FAM47B: variants seen among roughly 807,000 people sequenced by gnomAD.
FAM47B encodes protein FAM47B.
For synonymous variants in FAM47B, 247 were observed against 215.8 expected, an observed-to-expected ratio of 1.14 and a Z score of -1.27; for missense variants, 581 against 550.1, an observed-to-expected ratio of 1.06 and a Z score of -0.56.
rs1356087541 is a variant in FAM47B, at chrX:34,943,861, T to G, written c.1030T>G (p.Phe344Val). The G allele has an allele frequency of 1.9e-5, 23 of 1,204,023 alleles. No individual in the cohort carries two copies. Among genetic ancestry groups the G allele is most frequent in the African/African-American group, 3.6e-5 (2 of 54,947 alleles). The change falls in exon 1 of 1, where the codon TTC becomes GTC. Residue 344 changes from phenylalanine to valine, a missense_variant. Phe to Val is a conservative substitution (Grantham distance 50, BLOSUM62 -1). Coordinates refer to ENST00000329357, the MANE Select transcript of FAM47B (RefSeq NM_152631.3). ...EPPNTHRVSS[F>V]LLQVLKLDSE... is the part of the protein sequence containing the mutation. The stretch of plus-strand genomic sequence containing the variant: ...TCCCAACACTCATCGGGTGTCCAGT[T>G]TCCTACTACAGGTGCTGAAACTGGA...
chrX:34,943,046 G>T lies in FAM47B; in HGVS notation c.215G>T (p.Arg72Leu). 8.3e-7 allele frequency: 1 copy of T among 1,211,781 alleles called. No individual in the cohort carries two copies. Among genetic ancestry groups the T allele is most frequent in the Non-Finnish European group, 1.1e-6 (1 of 895,508 alleles). The change falls in exon 1 of 1, where the codon CGC (arginine) becomes CTC (leucine). Residue 72 changes from arginine (R) to leucine (L), a missense_variant. By Grantham distance (102) the Arg-to-Leu change is moderately radical. Transcript: ENST00000329357. Reference protein sequence around the residue: ...CQSPEDTLVCRRDEFLLPKIS... With the variant: ...CQSPEDTLVCLRDEFLLPKIS... ...TCTCCTGAAGATACGCTTGTTTGTC[G>T]CCGTGACGAGTTTTTACTCCCCAAA...
chrX:34,942,947 G>A lies in FAM47B; in HGVS notation c.116G>A (p.Arg39Lys), dbSNP rs779573594. Residue 39 changes from arginine (R) to lysine (K), a missense_variant, in exon 1 of 1, where the codon AGG becomes AAG. Arg to Lys is a conservative substitution (Grantham distance 26). Coordinates refer to ENST00000329357, the MANE Select transcript of FAM47B (RefSeq NM_152631.3). Reference protein sequence around the residue: ...YFAKRKHRRLRFPPVDTQNWV... With the variant: ...YFAKRKHRRLKFPPVDTQNWV... The stretch of plus-strand genomic sequence containing the variant: ...GCGAAGCGCAAGCACAGGCGCCTGA[G>A]GTTCCCGCCTGTGGACACCCAGAAC... 1.1e-4 allele frequency: 129 copies of A among 1,210,923 alleles called. 2 individuals are homozygous for A. In the East Asian group the frequency reaches 3.6e-3, roughly 33 times the overall value.
rs1569204239 is a variant in FAM47B, at chrX:34,943,483, A to T, written c.652A>T (p.Thr218Ser). The change falls in exon 1 of 1, where the codon ACT becomes TCT. Residue 218 changes from threonine (T) to serine (S), a missense_variant. Transcript: ENST00000329357. ...VSSRRPEPPK[T>S]RVSSLRPEPP... The stretch of plus-strand genomic sequence containing the variant: ...CAGTCGCCGCCCAGAGCCTCCCAAG[A>T]CTCGGGTGTCCAGTCTCCGCCCAGA... 1 of 1,209,455 alleles carries T rather than the reference A, an allele frequency of 8.3e-7. No individual in the cohort carries two copies. Among genetic ancestry groups the T allele is most frequent in the East Asian group, 3.0e-5 (1 of 33,679 alleles).
Position 34,943,247 on chromosome X carries a change from A to C in FAM47B, c.416A>C (p.Lys139Thr), listed in dbSNP as rs112122426. The C allele has an allele frequency of 2.6e-3, 3,185 of 1,209,376 alleles. 65 individuals are homozygous for C. In the African/African-American group the frequency reaches 0.048, roughly 18 times the overall value. ...HPLAMYPNLG[K>T]DMPPDLLLQV... is the part of the protein sequence containing the mutation. ...TTGGCCATGTACCCCAATCTGGGAA[A>C]AGATATGCCTCCAGATCTCCTACTA... is the stretch of plus-strand genomic sequence containing the variant. The change falls in exon 1 of 1, where the codon AAA becomes ACA. Residue 139 changes from lysine (K) to threonine (T), a missense_variant. Physicochemically the swap from Lys to Thr is moderately conservative, Grantham distance 78. Coordinates refer to ENST00000329357, the MANE Select transcript of FAM47B (RefSeq NM_152631.3).
Position 34,943,750 on chromosome X carries a change from C to G in FAM47B, c.919C>G (p.Leu307Val). ...PEPPETGVSH[L>V]RPEPSKTQVS... ...GCCTCCTGAGACTGGAGTGTCCCAT[C>G]TCCGCCCAGAGCCTTCCAAGACTCA... Residue 307 changes from leucine to valine, a missense_variant, in exon 1 of 1, where the codon CTC (leucine) becomes GTC (valine). Leu to Val is a conservative substitution (Grantham distance 32). Coordinates refer to ENST00000329357, the MANE Select transcript of FAM47B (RefSeq NM_152631.3). The G allele has an allele frequency of 8.3e-7, 1 of 1,209,455 alleles. No homozygotes were observed. Among genetic ancestry groups the G allele is most frequent in the Non-Finnish European group, 1.1e-6 (1 of 894,893 alleles).
At position 34,944,417 on chromosome X, in the gene FAM47B, A is replaced by G. The variant is rs1453531174; in HGVS notation, c.1586A>G (p.Asp529Gly). Residue 529 changes from aspartate (D) to glycine (G), a missense_variant, in exon 1 of 1, where the codon GAC becomes GGC. Asp to Gly is a moderately conservative substitution (Grantham distance 94). Transcript: ENST00000329357. ...GAATTCTTACGGATAAAATACTGGGACAGGAGACGCCGGGCGGCACCGCAT... is the reference window on the plus strand; with the variant it reads ...GAATTCTTACGGATAAAATACTGGGGCAGGAGACGCCGGGCGGCACCGCAT... ...EVEFLRIKYW[D>G]RRRRAAPHSY... 6 of 1,211,633 alleles carry G rather than the reference A, an allele frequency of 5.0e-6. No individual in the cohort carries two copies. Among genetic ancestry groups the G allele is most frequent in the Non-Finnish European group, 6.7e-6 (6 of 895,462 alleles).
In FAM47B at chrX:34,943,536, C is replaced by T. The variant is rs1486506413; in HGVS notation, c.705C>T (p.Leu235=). ...PEPPKTRVSS[L]HPEPPETRAS... ...CTCCCAAGACTCGGGTGTCCAGTCT[C>T]CACCCGGAACCTCCAGAGACTCGCG... is the stretch of plus-strand genomic sequence containing the variant. The change falls in exon 1 of 1, where the codon CTC becomes CTT. Residue 235 remains leucine (L), a synonymous_variant. Coordinates refer to ENST00000329357, the MANE Select transcript of FAM47B (RefSeq NM_152631.3). 1.7e-6 allele frequency: 2 copies of T among 1,210,624 alleles called. No homozygotes were observed. Among genetic ancestry groups the T allele is most frequent in the Admixed American group, 2.2e-5 (1 of 45,953 alleles).
At position 34,944,307 on chromosome X, in the gene FAM47B, C is replaced by G. The variant is rs751257363; in HGVS notation, c.1476C>G (p.Thr492=). ...LFDFTPECRT[T]DQDQKIKKAN... ...ACTTTACCCCTGAGTGCAGAACAACCGATCAAGACCAAAAGATTAAGAAGG... is the reference window on the plus strand; with the variant it reads ...ACTTTACCCCTGAGTGCAGAACAACGGATCAAGACCAAAAGATTAAGAAGG... Residue 492 remains threonine, a synonymous_variant, in exon 1 of 1, where the codon ACC becomes ACG. Transcript: ENST00000329357. The G allele has an allele frequency of 1.7e-6, 2 of 1,211,606 alleles. No homozygotes were observed. Among genetic ancestry groups the G allele is most frequent in the South Asian group, 1.8e-5 (1 of 56,956 alleles).
At position 34,943,794 on chromosome X, in the gene FAM47B, G is replaced by A. The variant is rs759087237; in HGVS notation, c.963G>A (p.Pro321=). 4.4e-5 allele frequency: 53 copies of A among 1,207,637 alleles called. No individual in the cohort carries two copies. The Admixed American group carries it at 5.5e-4, about 13-fold the overall frequency. Residue 321 remains proline, a synonymous_variant, in exon 1 of 1, where the codon CCG becomes CCA. Transcript: ENST00000329357. ...PSKTQVSSLC[P]EPPEAGVSHL... ...AGACTCAGGTGTCCAGTCTCTGCCC[G>A]GAGCCTCCCGAGGCTGGAGTGTCCC...
At position 34,944,098 on chromosome X, in the gene FAM47B, C is replaced by G; in HGVS notation, c.1267C>G (p.Leu423Val). 3.3e-6 allele frequency: 4 copies of G among 1,211,484 alleles called. No homozygotes were observed. The highest frequency in any genetic ancestry group is 1.7e-5 in the African/African-American group (1 of 57,658). The change falls in exon 1 of 1, where the codon CTC becomes GTC. Residue 423 changes from leucine (L) to valine (V), a missense_variant. Transcript: ENST00000329357. ...KPPKTRRVSSLCPEPTKTGAS... is the reference protein window; with the variant it reads ...KPPKTRRVSSVCPEPTKTGAS... ...TCCCAAGACTCGTCGGGTGTCCAGT[C>G]TCTGCCCGGAGCCTACCAAGACCGG...
In FAM47B at chrX:34,943,346, C is replaced by A. The variant is rs759144446; in HGVS notation, c.515C>A (p.Thr172Lys). The A allele has an allele frequency of 1.1e-4, 129 of 1,210,829 alleles. No individual in the cohort carries two copies. Among genetic ancestry groups the A allele is most frequent in the Non-Finnish European group, 1.4e-4 (129 of 895,170 alleles). ...AWARCEAREK[T>K]TEVPTESGKY... ...GCTCGTTGTGAGGCCCGGGAGAAGA[C>A]AACCGAGGTACCCACCGAGTCTGGT... Residue 172 changes from threonine to lysine, a missense_variant, in exon 1 of 1, where the codon ACA becomes AAA. Coordinates refer to ENST00000329357, the MANE Select transcript of FAM47B (RefSeq NM_152631.3).
chrX:34,943,962 T>C lies in FAM47B; in HGVS notation c.1131T>C (p.Pro377=), dbSNP rs1438227161. ...QEMTTEELTK[P]GKYHFWESCP... is the part of the protein sequence containing the mutation. ...TGACAACCGAGGAACTCACCAAGCC[T>C]GGTAAATACCATTTTTGGGAATCCT... The change falls in exon 1 of 1, where the codon CCT becomes CCC. Residue 377 remains proline (P), a synonymous_variant. Coordinates refer to ENST00000329357, the MANE Select transcript of FAM47B (RefSeq NM_152631.3). 1 of 1,208,889 alleles carries C rather than the reference T, an allele frequency of 8.3e-7. No individual in the cohort carries two copies. Among genetic ancestry groups the C allele is most frequent in the East Asian group, 3.0e-5 (1 of 33,686 alleles).
In FAM47B at chrX:34,944,328, G is replaced by A. The variant is rs1179833872; in HGVS notation, c.1497G>A (p.Lys499=). The A allele has an allele frequency of 1.5e-5, 18 of 1,211,787 alleles. No homozygotes were observed. Among genetic ancestry groups the A allele is most frequent in the Non-Finnish European group, 1.9e-5 (17 of 895,565 alleles). The change falls in exon 1 of 1, where the codon AAG becomes AAA. Residue 499 remains lysine (K), a synonymous_variant. Transcript: ENST00000329357. ...CAACCGATCAAGACCAAAAGATTAA[G>A]AAGGCAAACGAGTGTGCTTCAAGGC... ...CRTTDQDQKI[K]KANECASRLM...
rs554353244 is a variant in FAM47B at position 34,943,424 on chromosome X, G to A, written c.593G>A (p.Arg198His). The change falls in exon 1 of 1, where the codon CGT becomes CAT. Residue 198 changes from arginine (R) to histidine (H), a missense_variant. Arg to His is a conservative substitution (Grantham distance 29). Coordinates refer to ENST00000329357, the MANE Select transcript of FAM47B (RefSeq NM_152631.3). ...CGGCCTCCCGAGACTCCGGTGTCCC[G>A]TCTCCGTCCTCAGCTTCCCAAGACT... ...CPRPPETPVS[R>H]LRPQLPKTPV... 8 of 1,205,145 alleles carry A rather than the reference G, an allele frequency of 6.6e-6. No individual in the cohort carries two copies. The highest frequency in any genetic ancestry group is 4.4e-5 in the Admixed American group (2 of 45,377).
In FAM47B at chrX:34,942,872, G is replaced by T; in HGVS notation, c.41G>T (p.Gly14Val). The T allele has an allele frequency of 6.6e-6, 8 of 1,210,983 alleles. No individual in the cohort carries two copies. Among genetic ancestry groups the T allele is most frequent in the Admixed American group, 2.2e-5 (1 of 46,058 alleles). The change falls in exon 1 of 1, where the codon GGC (glycine) becomes GTC (valine). Residue 14 changes from glycine to valine, a missense_variant. Gly to Val is a moderately radical substitution (Grantham distance 109, BLOSUM62 -3). Transcript: ENST00000329357. The stretch of plus-strand genomic sequence containing the variant: ...CCACAGGACCGGCCAAGGTCCCAAG[G>T]CATGGACTCCAAGCCCTGGTACTGT... The part of the protein sequence containing the change: ...RRPQDRPRSQ[G>V]MDSKPWYCDK...
At position 34,944,276 on chromosome X, in the gene FAM47B, T is replaced by G. The variant is rs747634769; in HGVS notation, c.1445T>G (p.Leu482Arg). Reference protein sequence around the residue: ...LGVNEESISSLFDFTPECRTT... With the variant: ...LGVNEESISSRFDFTPECRTT... ...GTTAATGAAGAATCCATCAGCAGTC[T>G]GTTTGACTTTACCCCTGAGTGCAGA... Residue 482 changes from leucine to arginine, a missense_variant, in exon 1 of 1, where the codon CTG (leucine) becomes CGG (arginine). Physicochemically the swap from Leu to Arg is moderately radical, Grantham distance 102 (BLOSUM62 -2). Coordinates refer to ENST00000329357, the MANE Select transcript of FAM47B (RefSeq NM_152631.3). 6.4e-5 allele frequency: 77 copies of G among 1,210,098 alleles called. No homozygotes were observed. The highest frequency in any genetic ancestry group is 8.2e-5 in the Non-Finnish European group (73 of 895,348).
chrX:34,943,042 T>TGTCGCC lies in FAM47B; in HGVS notation c.214_219dup (p.Arg72_Arg73dup), dbSNP rs1327764570. The TGTCGCC allele has an allele frequency of 8.3e-7, 1 of 1,210,630 alleles. No homozygotes were observed. The highest frequency in any genetic ancestry group is 1.1e-6 in the Non-Finnish European group (1 of 895,362). The stretch of plus-strand genomic sequence containing the variant: ...TCAGTCTCCTGAAGATACGCTTGTT[T>TGTCGCC]GTCGCCGTGACGAGTTTTTACTCCC... On this transcript the variant is annotated inframe_insertion, in exon 1 of 1. Transcript: ENST00000329357.
Position 34,943,758 on chromosome X carries a change from A to G in FAM47B, c.927A>G (p.Pro309=), listed in dbSNP as rs780602795. 6.1e-5 allele frequency: 73 copies of G among 1,205,064 alleles called. No homozygotes were observed. The Middle Eastern group carries it at 6.9e-4, about 11-fold the overall frequency. ...PPETGVSHLR[P]EPSKTQVSSL... is the part of the protein sequence containing the mutation. ...AGACTGGAGTGTCCCATCTCCGCCC[A>G]GAGCCTTCCAAGACTCAGGTGTCCA... is the stretch of plus-strand genomic sequence containing the variant. Residue 309 remains proline, a synonymous_variant, in exon 1 of 1, where the codon CCA becomes CCG. Transcript: ENST00000329357.
At position 34,942,893 on chromosome X, in the gene FAM47B, A is replaced by G; in HGVS notation, c.62A>G (p.Tyr21Cys). The G allele has an allele frequency of 8.3e-7, 1 of 1,212,037 alleles. No homozygotes were observed. The highest frequency in any genetic ancestry group is 1.1e-6 in the Non-Finnish European group (1 of 895,483). ...RSQGMDSKPW[Y>C]CDKPPSKYFA... is the part of the protein sequence containing the mutation. ...CAAGGCATGGACTCCAAGCCCTGGT[A>G]CTGTGACAAACCGCCTTCCAAGTAC... The change falls in exon 1 of 1, where the codon TAC becomes TGC. Residue 21 changes from tyrosine (Y) to cysteine (C), a missense_variant. Transcript: ENST00000329357.
Sources: gnomAD v4.1 joint callset for allele counts on GRCh38, gnomAD v4.1.1 for gene constraint, MANE v1.5 for transcripts, NCBI Gene and HGNC (gene_info 2026-07-23, HGNC 2026-07-21) for gene names.